The following PDE10A variants were observed in gnomAD, a reference collection of about 807,000 sequenced individuals.
The protein encoded by PDE10A is cAMP and cAMP-inhibited cGMP 3',5'-cyclic phosphodiesterase 10A.
In PDE10A, 39 loss-of-function variants were observed where a neutral mutation model predicts 97.7. The observed-to-expected ratio is 0.40, with a 90% confidence interval of 0.31 to 0.52. The LOEUF (loss-of-function observed/expected upper bound fraction) is 0.52. Ranked by LOEUF, PDE10A falls within the 20% of genes least tolerant of loss-of-function variation. The pLI, the probability that PDE10A is intolerant of heterozygous loss-of-function variation, is 0.56. For missense variants in PDE10A, 731 were observed against 1,047.8 expected (o/e 0.70, Z 4.17); for synonymous variants, 371 against 376.8 (o/e 0.98, Z 0.18).
At chr6:165,440,483 C>T (rs759763231) in intron 5 of PDE10A, among the ~76,000 whole-genome samples, 5 of 152,092 alleles carry the variant, frequency 3.3e-5, no homozygotes, top group Non-Finnish European at 4.4e-5. Flanking sequence ...TCTTAAAAGA[C>T]GTGTTGTATT....
intron 3 of PDE10A, among the ~76,000 whole-genome samples, chr6:165,468,602 A>G (rs1427138681): frequency 1.3e-5 from 2 of 152,206 alleles, no homozygotes; most frequent in Non-Finnish European, 2.9e-5. Flanking sequence ...TTTTTAACAA[A>G]TATTTATTTA....
Position 165,947,881 on chromosome 6 carries a change from A to G in PDE10A, c.-615+39648T>C, listed in dbSNP as rs530939345. On this transcript the variant is annotated intron_variant, in intron 1 of 19. Transcript: ENST00000366882. The stretch of plus-strand genomic sequence containing the variant: ...CCTGGAATTATCCATCTCACCAATT[A>G]AGTATGGCCTTCTGAAAGGGCAGCG... Among the ~76,000 whole-genome samples the G allele has an allele frequency of 3.9e-5, 6 of 152,164 alleles. No individual in the cohort carries two copies. The South Asian group carries it at 1.2e-3, about 32-fold the overall frequency.
chr6:165,767,129 A>G (rs1185269918), intron 1 of PDE10A, among the ~76,000 whole-genome samples: 1 of 152,010 alleles, frequency 6.6e-6, no homozygotes, highest in East Asian at 1.9e-4. Context: ...CACTTGTTCT[A>G]ATCAGATTTT....
chr6:165,893,857 A>G (rs1280740390), intron 1 of PDE10A, among the ~76,000 whole-genome samples: 4 of 151,006 alleles, frequency 2.6e-5, no homozygotes, highest in Non-Finnish European at 5.9e-5. Context: ...TTGGCTTCCA[A>G]GATGGTGTCA....
intron 19 of PDE10A, among the ~76,000 whole-genome samples, chr6:165,340,291 T>A (rs1781900067): frequency 6.6e-6 from 1 of 152,218 alleles, no homozygotes; most frequent in Admixed American, 6.5e-5. Flanking sequence ...TCCCTCATAG[T>A]TTTTATTATT....
chr6:165,907,134 T>A (rs1378047312), intron 1 of PDE10A, among the ~76,000 whole-genome samples: 1 of 152,204 alleles, frequency 6.6e-6, no homozygotes, highest in Non-Finnish European at 1.5e-5. Flanking sequence ...CTTGTTGGCT[T>A]ATATGTAGCA....
chr6:165,643,772 T>C (rs1470285926), intron 1 of PDE10A, among the ~76,000 whole-genome samples: 1 of 152,220 alleles, frequency 6.6e-6, no homozygotes, highest in Admixed American at 6.5e-5. Context: ...TAGCTATCCA[T>C]TGCACAGCAT....
intron 13 of PDE10A, 53 bp downstream of exon 13, chr6:165,413,447 GA>G: frequency 1.6e-6 from 2 of 1,230,570 alleles, no homozygotes; most frequent in Non-Finnish European, 2.3e-6. Flanking sequence ...TTATGAAAAA[GA>G]TTCCAAATTA....
chr6:165,402,323 A>C (rs1050687253), intron 13 of PDE10A, among the ~76,000 whole-genome samples: 1 of 152,074 alleles, frequency 6.6e-6, no homozygotes, highest in African/African-American at 2.4e-5. Flanking sequence ...TAGGTAAATA[A>C]CACTAATTAC....
intron 1 of PDE10A, among the ~76,000 whole-genome samples, chr6:165,931,275 C>A (rs1162283321): frequency 6.6e-6 from 1 of 152,198 alleles, no homozygotes; most frequent in East Asian, 1.9e-4. Flanking sequence ...ATTTGACATC[C>A]TATTTATTCA....
intron 1 of PDE10A, among the ~76,000 whole-genome samples, chr6:165,726,153 GAGAGAATTAA>G (rs1792289220): frequency 2.0e-5 from 3 of 152,176 alleles, no homozygotes; most frequent in African/African-American, 7.2e-5. Flanking sequence ...AGTTGTGTTG[GAGAGAATTAA>G]GGGGTTTCCG....
At chr6:165,986,311 G>A (rs1785208145) in intron 1 of PDE10A, 1 of 152,952 alleles carries the variant, frequency 6.5e-6, no homozygotes, top group African/African-American at 2.4e-5. Flanking sequence ...TGGAGGGGAG[G>A]GGGTTAGGTG....
intron 1 of PDE10A, among the ~76,000 whole-genome samples, chr6:165,574,635 G>A (rs752604016): frequency 6.6e-6 from 1 of 152,110 alleles, no homozygotes; most frequent in East Asian, 1.9e-4. Context: ...TAATCAACAC[G>A]TACATTCTGA....
chr6:165,474,674 C>T (rs1554269072), intron 3 of PDE10A, among the ~76,000 whole-genome samples: 1 of 151,316 alleles, frequency 6.6e-6, no homozygotes, highest in African/African-American at 2.4e-5. Flanking sequence ...AAGTCAGAAA[C>T]AAGAAAAAAA....
At chr6:165,548,342 C>T (rs1229945722) in intron 1 of PDE10A, among the ~76,000 whole-genome samples, 1 of 134,244 alleles carries the variant, frequency 7.4e-6, no homozygotes, top group African/African-American at 2.8e-5. Context: ...GTAAATTCCA[C>T]ATGTTGCAGT....
intron 17 of PDE10A, among the ~76,000 whole-genome samples, chr6:165,387,362 A>T: frequency 6.6e-6 from 1 of 152,316 alleles, no homozygotes; most frequent in East Asian, 1.9e-4. Flanking sequence ...AGGACTGAGC[A>T]GGCAGCACTA....
intron 2 of PDE10A, among the ~76,000 whole-genome samples, chr6:165,532,994 G>T (rs1339414805): frequency 6.6e-6 from 1 of 152,180 alleles, no homozygotes; most frequent in Non-Finnish European, 1.5e-5. Flanking sequence ...GGATACAGCA[G>T]ACAGAGAGCA....
intron 1 of PDE10A, among the ~76,000 whole-genome samples, chr6:165,654,240 G>A (rs999004945): frequency 2.0e-5 from 3 of 152,098 alleles, no homozygotes; most frequent in South Asian, 2.1e-4. Context: ...CTTCTAAAAC[G>A]TTCCCAGTCA....
At chr6:165,804,804 C>T (rs993797925) in intron 1 of PDE10A, among the ~76,000 whole-genome samples, 4 of 150,812 alleles carry the variant, frequency 2.7e-5, no homozygotes, top group Non-Finnish European at 4.4e-5. Context: ...GGCCGGGCCG[C>T]GGGCGGAGAC....
Sources: allele counts gnomAD v4.1 joint callset (sites outside exome capture counted in the v4.1 genomes callset), GRCh38; gene constraint gnomAD v4.1.1; transcripts MANE v1.5; gene names NCBI Gene and HGNC (gene_info 2026-07-23, HGNC 2026-07-21).